Variants in PPP2R3B observed in about 807,000 individuals in gnomAD.
PPP2R3B encodes serine/threonine-protein phosphatase 2A regulatory subunit B'' subunit beta.
PPP2R3B carries 68 observed loss-of-function variants against 72.9 expected under a neutral mutation model. The observed-to-expected ratio is 0.93, with a 90% confidence interval of 0.77 to 1.14. The LOEUF is 1.14. PPP2R3B is among the 50% of genes most tolerant of loss of function. The pLI is 0.00. For synonymous variants in PPP2R3B, 466 were observed against 375.8 expected, an observed-to-expected ratio of 1.24 and a Z score of -2.78; for missense variants, 1,018 against 842.0, an observed-to-expected ratio of 1.21 and a Z score of -2.59.
chrX:357,828 T>C (rs2071466217), intron 2 of PPP2R3B, among the ~76,000 whole-genome samples: 1 of 152,038 alleles, frequency 6.6e-6, no homozygotes, highest in East Asian at 1.9e-4. Flanking sequence ...TCAAACGGCT[T>C]CAGAGAAAAC....
chrX:343,650 T>G (rs1298500620), intron 7 of PPP2R3B, among the ~76,000 whole-genome samples: 72 of 16,080 alleles, frequency 4.5e-3, no homozygotes, highest in East Asian at 0.012. Context: ...GAGGCGGGAG[T>G]GAGACCTCGC....
intron 1 of PPP2R3B, among the ~76,000 whole-genome samples, chrX:370,872 C>T (rs1341774416): frequency 6.6e-6 from 1 of 152,210 alleles, no homozygotes; most frequent in Non-Finnish European, 1.5e-5. Flanking sequence ...GGGGCTGCCG[C>T]GTAGGGGACG....
intron 1 of PPP2R3B, among the ~76,000 whole-genome samples, chrX:370,105 C>T (rs1484499785): frequency 4.6e-5 from 7 of 152,162 alleles, no homozygotes; most frequent in Admixed American, 6.5e-5. Flanking sequence ...GCAAACCGCA[C>T]GCTGGACGGC....
At chrX:377,926 A>G (rs112868445) in intron 1 of PPP2R3B, among the ~76,000 whole-genome samples, 61 of 110,068 alleles carry the variant, frequency 5.5e-4, no homozygotes, top group African/African-American at 2.5e-3. Flanking sequence ...CAGTGGGGCC[A>G]CCATGGGGCT....
In PPP2R3B at chrX:347,506, C is replaced by G. The variant is rs1302603915; in HGVS notation, c.614+84G>C. The G allele has an allele frequency of 2.1e-6, 3 of 1,452,212 alleles. No individual in the cohort carries two copies. In the African/African-American group the frequency reaches 4.2e-5, roughly 20 times the overall value. 90.0% of individuals were successfully genotyped at this position (1,452,212 alleles called of 1,614,324 possible). A position where few individuals can be genotyped will look rare whatever the true frequency, so the allele number is the denominator to read the frequency against. ...GTTTCTCCTCTCACTGCGGCAGCCT[C>G]AGGGGGCACCCGTCCTGGCACCACG... On this transcript the variant is annotated intron_variant, in intron 3 of 12. Coordinates refer to ENST00000390665, the MANE Select transcript of PPP2R3B (RefSeq NM_013239.5).
In PPP2R3B at chrX:347,598, C is replaced by A; in HGVS notation, c.606G>T (p.Met202Ile). Residue 202 changes from methionine (M) to isoleucine (I), a missense_variant, in exon 3 of 13, where the codon ATG becomes ATT. Coordinates refer to ENST00000390665, the MANE Select transcript of PPP2R3B (RefSeq NM_013239.5). ...CCCAGCCCAGGACTCACTTTCTCCA[C>A]ATGGCGACGAACTTGTGGACGGACA... ...GSVSVHKFVAMWRKILQNCHD... is the reference protein window; with the variant it reads ...GSVSVHKFVAIWRKILQNCHD... 6.3e-7 allele frequency: 1 copy of A among 1,577,106 alleles called. No individual in the cohort carries two copies. Among genetic ancestry groups the A allele is most frequent in the Non-Finnish European group, 8.6e-7 (1 of 1,160,882 alleles).
chrX:378,501 C>T (rs1447635565), intron 1 of PPP2R3B, among the ~76,000 whole-genome samples: 3 of 152,186 alleles, frequency 2.0e-5, no homozygotes, highest in African/African-American at 7.2e-5. Context: ...AAAAGCATAG[C>T]TAGTAACAGG....
intron 1 of PPP2R3B, among the ~76,000 whole-genome samples, chrX:376,385 G>A (rs1437090552): frequency 6.6e-6 from 1 of 152,214 alleles, no homozygotes; most frequent in African/African-American, 2.4e-5. Flanking sequence ...CAGCCACAGG[G>A]CTGTCTACAC....
At chrX:340,459 CGTCT>C (rs1859070869) in intron 10 of PPP2R3B, among the ~76,000 whole-genome samples, 1 of 118,124 alleles carries the variant, frequency 8.5e-6, no homozygotes, top group African/African-American at 3.5e-5. Flanking sequence ...TCCCCCCTCC[CGTCT>C]GTCCCCTCAC....
At chrX:368,901 A>G (rs34011002) in intron 1 of PPP2R3B, among the ~76,000 whole-genome samples, 44,937 of 107,276 alleles carry the variant, frequency 0.42, 8,041 homozygotes, top group African/African-American at 0.51. Flanking sequence ...ACGGGGGGAA[A>G]GCCGGGACCA....
chrX:341,392 T>G lies in PPP2R3B; in HGVS notation c.1090A>C (p.Arg364=). The stretch of plus-strand genomic sequence containing the variant: ...ATCTTCCCTTCCTTCTGCACTTTTC[T>G]GCCTCTAGATCGAAAGCCAGGATGG... ...RIFSGAVTRG[R]KVQKEGKISY... Residue 364 remains arginine, a synonymous_variant, in exon 9 of 13, where the codon AGA becomes CGA. Coordinates refer to ENST00000390665, the MANE Select transcript of PPP2R3B (RefSeq NM_013239.5). 19 of 1,612,622 alleles carry G rather than the reference T, an allele frequency of 1.2e-5. No individual in the cohort carries two copies. The highest frequency in any genetic ancestry group is 1.6e-5 in the Non-Finnish European group (19 of 1,179,688).
chrX:341,438 G>A (rs980319690), intron 8 of PPP2R3B, 42 bp from the exon 9 acceptor site: 3 of 1,600,594 alleles, frequency 1.9e-6, no homozygotes, highest in Middle Eastern at 1.7e-4. Context: ...ATGCATGTCA[G>A]GGAGAGCTTC....
intron 1 of PPP2R3B, 41 bp downstream of exon 1, chrX:386,327 A>T: frequency 7.7e-7 from 1 of 1,294,990 alleles, no homozygotes; most frequent in Non-Finnish European, 9.9e-7. Flanking sequence ...ATGCGACCAG[A>T]GCCACCTGCG....
intron 1 of PPP2R3B, among the ~76,000 whole-genome samples, chrX:381,393 C>A (rs1423745796): frequency 1.3e-5 from 2 of 151,992 alleles, no homozygotes; most frequent in East Asian, 1.9e-4. Flanking sequence ...GTTCAATGGA[C>A]CTAGCGTGAA....
intron 1 of PPP2R3B, among the ~76,000 whole-genome samples, chrX:385,691 C>A (rs1275530120): frequency 6.6e-6 from 1 of 152,102 alleles, no homozygotes; most frequent in African/African-American, 2.4e-5. Context: ...ATCCCAGCTA[C>A]TGGGGAGGCT....
intron 8 of PPP2R3B, 90 bp downstream of exon 8, chrX:341,793 A>G: frequency 7.1e-7 from 1 of 1,403,582 alleles, no homozygotes; most frequent in South Asian, 1.1e-5. Flanking sequence ...CTGTCGGGGC[A>G]CAAAAAGCTC....
chrX:369,611 A>T (rs188621451), intron 1 of PPP2R3B, among the ~76,000 whole-genome samples: 1 of 152,236 alleles, frequency 6.6e-6, no homozygotes, highest in African/African-American at 2.4e-5. Flanking sequence ...CCGAGAACAC[A>T]GGCCACGTGC....
At chrX:351,185 G>T (rs1328727627) in intron 2 of PPP2R3B, among the ~76,000 whole-genome samples, 1 of 152,204 alleles carries the variant, frequency 6.6e-6, no homozygotes, top group Non-Finnish European at 1.5e-5. Context: ...CTCCCGTGAT[G>T]AGGATCCTGA....
rs760837637 is a variant in PPP2R3B, at chrX:341,183, G to GCA, written c.1175+122_1175+123dup. ...GTGCCGTGCAGCCCCCACCGGGCGT[G>GCA]CACATGTCCCCCTGTGCCGTGCAGC... On this transcript the variant is annotated intron_variant, in intron 9 of 12. Coordinates refer to ENST00000390665, the MANE Select transcript of PPP2R3B (RefSeq NM_013239.5). 4.8e-4 allele frequency: 450 copies of GCA among 934,324 alleles called. 2 individuals carry two copies. In the African/African-American group the frequency reaches 7.6e-3, roughly 16 times the overall value. The allele number at this position is 934,324 out of a possible 1,614,324, so 57.9% of individuals were successfully genotyped here. A position where few individuals can be genotyped will look rare whatever the true frequency, so the allele number is the denominator to read the frequency against.
Sources: gnomAD v4.1 joint callset for allele counts (sites outside exome capture counted in the v4.1 genomes callset) on GRCh38, gnomAD v4.1.1 for gene constraint, MANE v1.5 for transcripts, NCBI Gene and HGNC (gene_info 2026-07-23, HGNC 2026-07-21) for gene names.